Variants in TNR observed in about 807,000 individuals in gnomAD.
TNR encodes the protein tenascin-R.
TNR carries 45 observed loss-of-function variants against 150.4 expected under a neutral mutation model. The ratio of observed to expected loss-of-function variants is 0.30; its 90% CI spans 0.24 to 0.38. The LOEUF is 0.38. Ranked by LOEUF, TNR falls within the 10% of genes least tolerant of loss-of-function variation. The probability of loss-of-function intolerance (pLI) is 1.00; values close to 1 mark genes in which losing one functional copy is unlikely to be tolerated. For synonymous variants in TNR, 687 were observed against 678.4 expected, an observed-to-expected ratio of 1.01 and a Z score of -0.20; for missense variants, 1,544 against 1,759.1, an observed-to-expected ratio of 0.88 and a Z score of 2.19.
intron 1 of TNR, among the ~76,000 whole-genome samples, chr1:175,725,063 GAAGTGCTT>G (rs1410797947): frequency 6.6e-6 from 1 of 152,172 alleles, no homozygotes; most frequent in Non-Finnish European, 1.5e-5. Flanking sequence ...AGATCAATGG[GAAGTGCTT>G]GAAGGTTTTA....
At chr1:175,526,978 A>T (rs1659871485) in intron 2 of TNR, among the ~76,000 whole-genome samples, 1 of 152,246 alleles carries the variant, frequency 6.6e-6, no homozygotes, top group Non-Finnish European at 1.5e-5. Context: ...CTGTGCCAGG[A>T]GGTGGCTTTG....
chr1:175,645,734 G>T (rs919972127), intron 1 of TNR, among the ~76,000 whole-genome samples: 2 of 152,178 alleles, frequency 1.3e-5, no homozygotes, highest in Admixed American at 6.5e-5. Flanking sequence ...GTCAGGGAGA[G>T]AATTTAATTA....
chr1:175,358,670 T>C (rs1651441374), intron 15 of TNR, among the ~76,000 whole-genome samples: 1 of 152,208 alleles, frequency 6.6e-6, no homozygotes, highest in African/African-American at 2.4e-5. Context: ...GGCAGGGAAA[T>C]AACTTCCCTA....
intron 2 of TNR, among the ~76,000 whole-genome samples, chr1:175,454,196 T>G (rs545357748): frequency 6.6e-6 from 1 of 152,306 alleles, no homozygotes; most frequent in Non-Finnish European, 1.5e-5. Flanking sequence ...CTCCTAAATG[T>G]CTTCCACGCT....
Position 175,379,633 on chromosome 1 carries a change from A to G in TNR, c.1882T>C (p.Tyr628His). 1 of 1,614,176 alleles carries G rather than the reference A, an allele frequency of 6.2e-7. No homozygotes were observed. Among genetic ancestry groups the G allele is most frequent in the Non-Finnish European group, 8.5e-7 (1 of 1,180,028 alleles). Residue 628 changes from tyrosine to histidine, a missense_variant, in exon 9 of 23, where the codon TAC (tyrosine) becomes CAC (histidine). By Grantham distance (83) the Tyr-to-His change is moderately conservative. This residue lies in a region of TNR where 1,254 missense variants were observed against 1,329.4 expected (regional missense o/e 0.94). Transcript: ENST00000367674. ...TATTGCTCACCCGCCAGGGTGCTGT[A>G]CACAACCTTGTACTCCTGAACTTCG... The part of the protein sequence containing the change: ...EAEVQEYKVV[Y>H]STLAGEQYHE...
intron 1 of TNR, among the ~76,000 whole-genome samples, chr1:175,559,335 C>T (rs1430520851): frequency 1.3e-5 from 2 of 151,870 alleles, no homozygotes; most frequent in African/African-American, 4.8e-5. Flanking sequence ...TTTAAAATTC[C>T]TCCCTCAAAA....
chr1:175,646,123 C>T (rs918788348), intron 1 of TNR, among the ~76,000 whole-genome samples: 2 of 152,158 alleles, frequency 1.3e-5, no homozygotes, highest in Non-Finnish European at 2.9e-5. Flanking sequence ...TAGTTGCACG[C>T]ATTTATATCA....
chr1:175,585,684 C>G (rs1360951066), intron 1 of TNR, among the ~76,000 whole-genome samples: 3 of 152,186 alleles, frequency 2.0e-5, no homozygotes, highest in Admixed American at 6.5e-5. Context: ...GCTTGAAGAA[C>G]ACCCTAGTAA....
chr1:175,420,823 T>C (rs996455836), intron 2 of TNR, among the ~76,000 whole-genome samples: 1 of 152,182 alleles, frequency 6.6e-6, no homozygotes, highest in Non-Finnish European at 1.5e-5. Context: ...CTGAGGGTAA[T>C]GTATGCTATC....
At chr1:175,564,754 T>C (rs932688579) in intron 1 of TNR, among the ~76,000 whole-genome samples, 1 of 152,190 alleles carries the variant, frequency 6.6e-6, no homozygotes, top group African/African-American at 2.4e-5. Context: ...TTCTGCATTC[T>C]TGCTGTATTG....
At chr1:175,472,574 C>T (rs558108061) in intron 2 of TNR, among the ~76,000 whole-genome samples, 1 of 152,308 alleles carries the variant, frequency 6.6e-6, no homozygotes, top group Non-Finnish European at 1.5e-5. Context: ...ATGACAGCTA[C>T]TACGTCACTA....
At chr1:175,390,454 G>A (rs949368000) in intron 7 of TNR, among the ~76,000 whole-genome samples, 2 of 152,176 alleles carry the variant, frequency 1.3e-5, no homozygotes, top group African/African-American at 4.8e-5. Flanking sequence ...TATGCCAGAT[G>A]CTATTTATAA....
Position 175,329,194 on chromosome 1 carries a change from A to G in TNR, c.3793+880T>C, listed in dbSNP as rs185379942. On this transcript the variant is annotated intron_variant, in intron 21 of 22. Transcript: ENST00000367674. Reference sequence around the variant, plus strand: ...CTTCTTAATTTCAAGAGTCATAAAAATGTTGTTAAAATTATACACCAGCAT... The same window carrying G: ...CTTCTTAATTTCAAGAGTCATAAAAGTGTTGTTAAAATTATACACCAGCAT... Among the ~76,000 whole-genome samples the G allele has an allele frequency of 2.2e-4, 34 of 152,360 alleles. No homozygotes were observed. The East Asian group carries it at 4.6e-3, about 21-fold the overall frequency.
chr1:175,706,364 T>C (rs1381652627), intron 1 of TNR, among the ~76,000 whole-genome samples: 1 of 152,098 alleles, frequency 6.6e-6, no homozygotes, highest in African/African-American at 2.4e-5. Flanking sequence ...CCCCACTCCA[T>C]ATTCTACCCT....
intron 1 of TNR, among the ~76,000 whole-genome samples, chr1:175,694,031 C>T (rs112213005): frequency 0.024 from 3,707 of 152,294 alleles, 152 homozygotes; most frequent in African/African-American, 0.084. Flanking sequence ...TTCTTTGAGG[C>T]TCAATCCCAG....
chr1:175,389,128 A>G (rs958059523), intron 7 of TNR, among the ~76,000 whole-genome samples: 6 of 152,182 alleles, frequency 3.9e-5, no homozygotes, highest in Admixed American at 1.3e-4. Flanking sequence ...TGGGCTCATC[A>G]CAGACACTCC....
intron 1 of TNR, among the ~76,000 whole-genome samples, chr1:175,630,867 A>C (rs1664303105): frequency 6.6e-6 from 1 of 152,228 alleles, no homozygotes; most frequent in South Asian, 2.1e-4. Flanking sequence ...ATTCGCACCA[A>C]ACAAGGGGAG....
chr1:175,552,165 C>T (rs533500010), intron 1 of TNR, among the ~76,000 whole-genome samples: 1 of 152,116 alleles, frequency 6.6e-6, no homozygotes, highest in Non-Finnish European at 1.5e-5. Flanking sequence ...AATTCCATGT[C>T]GGTAGGTAGG....
rs1380248077 is a variant in TNR, at chr1:175,573,041, G to A, written c.-164-44672C>T. Among the ~76,000 whole-genome samples the A allele has an allele frequency of 4.6e-5, 7 of 152,224 alleles. No individual in the cohort carries two copies. The East Asian group carries it at 1.4e-3, about 29-fold the overall frequency. ...CTTGCGATTCATCCTGAAGCTAAAT[G>A]CATTATATATCATCTTGTTTGCATT... is the stretch of plus-strand genomic sequence containing the variant. On this transcript the variant is annotated intron_variant, in intron 1 of 22. Coordinates refer to ENST00000367674, the MANE Select transcript of TNR (RefSeq NM_003285.3).
Sources: gnomAD v4.1 joint callset for allele counts (sites outside exome capture counted in the v4.1 genomes callset) on GRCh38, gnomAD v4.1.1 for gene constraint, gnomAD v4.1.1 regional missense constraint, MANE v1.5 for transcripts, NCBI Gene and HGNC (gene_info 2026-07-23, HGNC 2026-07-21) for gene names.